The following TRAPPC9 variants were observed in gnomAD, a reference collection of about 807,000 sequenced individuals.
The protein encoded by TRAPPC9 is IKK2 binding protein.
TRAPPC9 carries 83 observed loss-of-function variants against 124.0 expected under a neutral mutation model. The observed-to-expected ratio is 0.67, with a 90% confidence interval of 0.56 to 0.80. TRAPPC9 has a LOEUF of 0.80. TRAPPC9 is among the 30% of genes least tolerant of loss of function. The probability of loss-of-function intolerance (pLI) is 0.00; values close to 1 mark genes in which losing one functional copy is unlikely to be tolerated. For synonymous variants in TRAPPC9, 638 were observed against 617.5 expected, an observed-to-expected ratio of 1.03 and a Z score of -0.49; for missense variants, 1,302 against 1,508.3, an observed-to-expected ratio of 0.86 and a Z score of 2.27.
At chr8:140,126,233 G>A (rs1002811506) in intron 17 of TRAPPC9, among the ~76,000 whole-genome samples, 2 of 152,120 alleles carry the variant, frequency 1.3e-5, no homozygotes, top group Admixed American at 1.3e-4. Context: ...CCAATGCGGG[G>A]TATCCACTGA....
At chr8:140,423,685 T>TATAC (rs1377443663) in intron 5 of TRAPPC9, among the ~76,000 whole-genome samples, 19 of 136,928 alleles carry the variant, frequency 1.4e-4, no homozygotes, top group South Asian at 2.2e-4. Flanking sequence ...TACACATATA[T>TATAC]ACACATATAC....
intron 20 of TRAPPC9, among the ~76,000 whole-genome samples, chr8:139,905,337 G>A (rs979172717): frequency 1.3e-5 from 2 of 152,220 alleles, no homozygotes; most frequent in African/African-American, 2.4e-5. Context: ...AGAGACTTGT[G>A]AGCATGAGGA....
At chr8:140,168,876 G>C (rs2061904098) in intron 17 of TRAPPC9, among the ~76,000 whole-genome samples, 1 of 152,228 alleles carries the variant, frequency 6.6e-6, no homozygotes, top group African/African-American at 2.4e-5. Flanking sequence ...TCCTTCACTA[G>C]AGGGTAAGTT....
chr8:140,242,595 A>G (rs2063886053), intron 16 of TRAPPC9, among the ~76,000 whole-genome samples: 1 of 152,242 alleles, frequency 6.6e-6, no homozygotes, highest in Non-Finnish European at 1.5e-5. Flanking sequence ...TGCCAGGTGA[A>G]AAAGTCAGGA....
chr8:140,107,755 G>A (rs1222065238), intron 17 of TRAPPC9, among the ~76,000 whole-genome samples: 10 of 152,224 alleles, frequency 6.6e-5, no homozygotes, highest in Non-Finnish European at 8.8e-5. Context: ...AGGCAAGACT[G>A]GCCAAGGGTA....
rs774789206 is a variant in TRAPPC9, at chr8:140,405,587, T to C, written c.998A>G (p.Tyr333Cys). ...AAGCCATAAAATCACCTTGCTGTAATAGGAAATCGCCTCTTTATACTTGTC... is the reference window on the plus strand; with the variant it reads ...AAGCCATAAAATCACCTTGCTGTAACAGGAAATCGCCTCTTTATACTTGTC... ...IIDKYKEAIS[Y>C]YSKYKNAGVI... Residue 333 changes from tyrosine to cysteine, a missense_variant, in exon 6 of 23, where the codon TAT (tyrosine) becomes TGT (cysteine). Tyr to Cys is a radical substitution (Grantham distance 194, BLOSUM62 -2). This residue lies in a region of TRAPPC9 where 657 missense variants were observed against 811.2 expected (regional missense o/e 0.81). Transcript: ENST00000438773. 68 of 1,614,034 alleles carry C rather than the reference T, an allele frequency of 4.2e-5. No homozygotes were observed. The highest frequency in any genetic ancestry group is 5.3e-5 in the Non-Finnish European group (62 of 1,180,026).
chr8:139,854,943 C>T (rs1827709532), intron 21 of TRAPPC9, among the ~76,000 whole-genome samples: 1 of 152,210 alleles, frequency 6.6e-6, no homozygotes, highest in South Asian at 2.1e-4. Flanking sequence ...GAAGCGAGGG[C>T]TGATGGGGTA....
chr8:140,287,506 G>C (rs531064830), intron 13 of TRAPPC9, 102 bp downstream of exon 13: 4 of 1,478,874 alleles, frequency 2.7e-6, no homozygotes, highest in African/African-American at 2.8e-5. Context: ...CTTCTAACTG[G>C]TTAGGACTGG....
At chr8:139,797,688 T>A (rs977437689) in intron 21 of TRAPPC9, among the ~76,000 whole-genome samples, 2 of 152,270 alleles carry the variant, frequency 1.3e-5, no homozygotes. Flanking sequence ...CATAGTTAGA[T>A]ATTTGATCAA....
In TRAPPC9 at chr8:140,422,669, G is replaced by A. The variant is rs186416634; in HGVS notation, c.886+3946C>T. 8.3e-4 allele frequency among the ~76,000 whole-genome samples: 125 copies of A among 149,774 alleles called. No homozygotes were observed. The East Asian group carries it at 0.016, about 20-fold the overall frequency. On this transcript the variant is annotated intron_variant, in intron 5 of 22. Coordinates refer to ENST00000438773, the MANE Select transcript of TRAPPC9 (RefSeq NM_001160372.4). Reference sequence around the variant, plus strand: ...CTCAGGAGGCTGAGGCAAGAGAATCGCTCGAACCCGGGTGGCAGGGGTTGC... The same window carrying A: ...CTCAGGAGGCTGAGGCAAGAGAATCACTCGAACCCGGGTGGCAGGGGTTGC...
chr8:140,150,840 T>C (rs2061533350), intron 17 of TRAPPC9, among the ~76,000 whole-genome samples: 1 of 142,360 alleles, frequency 7.0e-6, no homozygotes, highest in African/African-American at 2.6e-5. Flanking sequence ...CACCGTGTCT[T>C]GCAGCTTGTT....
intron 17 of TRAPPC9, among the ~76,000 whole-genome samples, chr8:140,033,691 T>TGTTTG (rs1840694468): frequency 3.6e-5 from 4 of 110,148 alleles, no homozygotes; most frequent in African/African-American, 5.1e-5. Context: ...TTTTTTTTTT[T>TGTTTG]TTTTTTTTGA....
At chr8:139,914,015 G>A (rs1272590730) in intron 19 of TRAPPC9, 2 of 152,318 alleles carry the variant, frequency 1.3e-5, no homozygotes, top group Non-Finnish European at 2.9e-5. Context: ...ACCCCTGCCG[G>A]AAGACACTGC....
chr8:139,903,128 CT>C (rs965384176), intron 20 of TRAPPC9, among the ~76,000 whole-genome samples: 1 of 152,206 alleles, frequency 6.6e-6, no homozygotes, highest in Non-Finnish European at 1.5e-5. Flanking sequence ...ACAAGGCCCC[CT>C]GTACTGAGAT....
intron 10 of TRAPPC9, among the ~76,000 whole-genome samples, chr8:140,301,059 C>G (rs2131828494): frequency 6.6e-6 from 1 of 152,338 alleles, no homozygotes; most frequent in South Asian, 2.1e-4. Flanking sequence ...TGGCACAGGG[C>G]CCACTGCCTG....
chr8:140,221,442 C>G lies in TRAPPC9; in HGVS notation c.2556+17G>C. 1 of 1,613,926 alleles carries G rather than the reference C, an allele frequency of 6.2e-7. No individual in the cohort carries two copies. The highest frequency in any genetic ancestry group is 1.1e-5 in the South Asian group (1 of 91,062). ...CCGAACGGCACGTGGCAGATGCCGT[C>G]TGCCATACCAACTCACCTTCACGTG... On this transcript the variant is annotated intron_variant, in intron 17 of 22. Coordinates refer to ENST00000438773, the MANE Select transcript of TRAPPC9 (RefSeq NM_001160372.4).
intron 21 of TRAPPC9, among the ~76,000 whole-genome samples, chr8:139,828,095 T>C (rs1300905711): frequency 8.8e-5 from 13 of 147,016 alleles, no homozygotes; most frequent in African/African-American, 3.2e-4. Context: ...AGCATGAGAC[T>C]TGGAGGGGAC....
chr8:139,996,593 G>A (rs75550481), intron 18 of TRAPPC9, among the ~76,000 whole-genome samples: 7,302 of 150,546 alleles, frequency 0.049, 211 homozygotes, highest in African/African-American at 0.077. Flanking sequence ...TAAAAATCAC[G>A]TCACAGGAGA....
intron 17 of TRAPPC9, among the ~76,000 whole-genome samples, chr8:140,108,125 C>T (rs1388877325): frequency 1.1e-5 from 1 of 92,450 alleles, no homozygotes; most frequent in African/African-American, 4.3e-5. Context: ...GGGGTGGGGG[C>T]GGGGAGTTAA....
Sources: gnomAD v4.1 joint callset for allele counts (sites outside exome capture counted in the v4.1 genomes callset) on GRCh38, gnomAD v4.1.1 for gene constraint, gnomAD v4.1.1 regional missense constraint, MANE v1.5 for transcripts, NCBI Gene and HGNC (gene_info 2026-07-23, HGNC 2026-07-21) for gene names.